Variants in HPCAL1 observed in about 807,000 individuals in gnomAD.
The protein encoded by HPCAL1 is hippocalcin-like protein 1.
Under a neutral mutation model 17.1 loss-of-function variants are expected in HPCAL1, and 8 were observed. That is an observed-to-expected ratio of 0.47 (90% CI 0.27 to 0.84). The LOEUF (loss-of-function observed/expected upper bound fraction) is 0.84, where lower values mean the gene tolerates loss of function less well. Ranked by LOEUF, HPCAL1 falls within the 40% of genes least tolerant of loss-of-function variation. HPCAL1 has a pLI of 0.13. For missense variants in HPCAL1, 165 were observed against 271.1 expected (o/e 0.61, Z 2.75); for synonymous variants, 112 against 111.4 (o/e 1.01, Z -0.03).
chr2:10,392,097 C>T (rs1446144341), intron 1 of HPCAL1, among the ~76,000 whole-genome samples: 3 of 152,062 alleles, frequency 2.0e-5, no homozygotes, highest in Non-Finnish European at 4.4e-5. Flanking sequence ...GGCGGGAGTG[C>T]AGTGGCATGA....
chr2:10,369,698 G>T (rs931969902), intron 1 of HPCAL1, among the ~76,000 whole-genome samples: 6 of 152,234 alleles, frequency 3.9e-5, no homozygotes, highest in African/African-American at 1.2e-4. Context: ...CTTGGAGGAG[G>T]TGGTGGTTAA....
At chr2:10,313,708 T>C (rs1171431146) in intron 1 of HPCAL1, among the ~76,000 whole-genome samples, 2 of 152,188 alleles carry the variant, frequency 1.3e-5, no homozygotes, top group Non-Finnish European at 2.9e-5. Context: ...GGGCTTAGGG[T>C]TGAACAGCCT....
At chr2:10,326,090 T>C (rs766351640) in intron 1 of HPCAL1, among the ~76,000 whole-genome samples, 19 of 152,210 alleles carry the variant, frequency 1.2e-4, no homozygotes, top group Non-Finnish European at 2.1e-4. Flanking sequence ...CTGTCCGTCA[T>C]CCTCTCTGGG....
intron 1 of HPCAL1, among the ~76,000 whole-genome samples, chr2:10,348,290 A>G (rs1241057634): frequency 6.6e-6 from 1 of 152,110 alleles, no homozygotes; most frequent in Non-Finnish European, 1.5e-5. Flanking sequence ...CTCTACTAAA[A>G]ATACAAAAAT....
chr2:10,373,495 G>A (rs962681831), intron 1 of HPCAL1, among the ~76,000 whole-genome samples: 6 of 152,202 alleles, frequency 3.9e-5, no homozygotes, highest in Non-Finnish European at 8.8e-5. Flanking sequence ...TGACAGAAAT[G>A]TTCCTAGAAA....
At chr2:10,409,951 C>A (rs1670241919) in intron 2 of HPCAL1, among the ~76,000 whole-genome samples, 1 of 152,006 alleles carries the variant, frequency 6.6e-6, no homozygotes, top group African/African-American at 2.4e-5. Context: ...CCACCGCACC[C>A]AGCTAATTTT....
chr2:10,307,868 T>C (rs1030106148), intron 1 of HPCAL1, among the ~76,000 whole-genome samples: 1 of 152,206 alleles, frequency 6.6e-6, no homozygotes, highest in Non-Finnish European at 1.5e-5. Context: ...GATTTCATCA[T>C]CCCACTGTCT....
chr2:10,426,952 G>T lies in HPCAL1; in HGVS notation c.*131G>T. ...CGGGCCTGGGGCATGCGTTGCACCT[G>T]CCCAGCCCGGTGGCTGCGCCTCCCT... On this transcript the variant is annotated 3_prime_UTR_variant, in exon 5 of 5. Coordinates refer to ENST00000307845, the MANE Select transcript of HPCAL1 (RefSeq NM_002149.4). 1.3e-6 allele frequency: 1 copy of T among 787,048 alleles called. No homozygotes were observed. The highest frequency in any genetic ancestry group is 1.6e-5 in the South Asian group (1 of 64,182). The allele number at this position is 787,048 out of a possible 1,614,324, so 48.8% of individuals were successfully genotyped here. A position where few individuals can be genotyped will look rare whatever the true frequency, so the allele number is the denominator to read the frequency against.
At chr2:10,312,394 A>G (rs564847123) in intron 1 of HPCAL1, among the ~76,000 whole-genome samples, 1 of 148,390 alleles carries the variant, frequency 6.7e-6, no homozygotes, top group African/African-American at 2.5e-5. Flanking sequence ...TGCTGTCATC[A>G]TCACCATTCA....
intron 1 of HPCAL1, among the ~76,000 whole-genome samples, chr2:10,350,561 C>T (rs991696210): frequency 6.6e-6 from 1 of 152,134 alleles, no homozygotes; most frequent in Non-Finnish European, 1.5e-5. Context: ...ATCCATCTGC[C>T]TCAGCCTCCC....
At chr2:10,414,401 G>A (rs143267293) in intron 2 of HPCAL1, among the ~76,000 whole-genome samples, 162 of 148,534 alleles carry the variant, frequency 1.1e-3, no homozygotes, top group Non-Finnish European at 1.9e-3. Flanking sequence ...AGGGTTGGGT[G>A]TTGGCAGGGT....
At chr2:10,312,311 CA>C (rs1248358119) in intron 1 of HPCAL1, among the ~76,000 whole-genome samples, 4 of 13,784 alleles carry the variant, frequency 2.9e-4, no homozygotes, top group Admixed American at 2.4e-3. Flanking sequence ...TCACCATCAT[CA>C]TCATCATCAT....
At chr2:10,318,307 CCCAGACTCCCCCAACCCCAGCTCGCA>C (rs1663447160) in intron 1 of HPCAL1, among the ~76,000 whole-genome samples, 3 of 151,836 alleles carry the variant, frequency 2.0e-5, no homozygotes, top group Admixed American at 6.6e-5. Context: ...CCACCCCCGC[CCCAGACTCCCCCAACCCCAGCTCGCA>C]CCTGCAGAAG....
chr2:10,387,917 A>G (rs1038981433), intron 1 of HPCAL1, among the ~76,000 whole-genome samples: 2 of 151,914 alleles, frequency 1.3e-5, no homozygotes, highest in Non-Finnish European at 2.9e-5. Context: ...GCAGTTGAAC[A>G]TTTTTCTTGC....
chr2:10,415,917 A>T (rs1341555193), intron 2 of HPCAL1, among the ~76,000 whole-genome samples: 1 of 152,094 alleles, frequency 6.6e-6, no homozygotes. Flanking sequence ...GTCTTTGCTG[A>T]CTCAGTGGCC....
At chr2:10,357,452 G>A (rs1464712232) in intron 1 of HPCAL1, among the ~76,000 whole-genome samples, 2 of 152,222 alleles carry the variant, frequency 1.3e-5, no homozygotes, top group Admixed American at 6.5e-5. Context: ...AGGGGCCCGG[G>A]AACCACCCCA....
At chr2:10,335,209 G>A (rs1207123758) in intron 1 of HPCAL1, among the ~76,000 whole-genome samples, 1 of 152,194 alleles carries the variant, frequency 6.6e-6, no homozygotes, top group Non-Finnish European at 1.5e-5. Context: ...ATAGAACACA[G>A]CAGGAGGAAT....
chr2:10,375,786 C>A (rs1033839124), intron 1 of HPCAL1, among the ~76,000 whole-genome samples: 6 of 152,214 alleles, frequency 3.9e-5, no homozygotes, highest in African/African-American at 1.4e-4. Flanking sequence ...GGTAGGCACT[C>A]AGCAGGTGCT....
At chr2:10,388,711 C>A (rs1668488902) in intron 1 of HPCAL1, among the ~76,000 whole-genome samples, 1 of 152,208 alleles carries the variant, frequency 6.6e-6, no homozygotes, top group Non-Finnish European at 1.5e-5. Context: ...CCAAGTCCCA[C>A]TCCCTGCCGA....
Sources: gnomAD v4.1 joint callset for allele counts (sites outside exome capture counted in the v4.1 genomes callset) on GRCh38, gnomAD v4.1.1 for gene constraint, MANE v1.5 for transcripts, NCBI Gene and HGNC (gene_info 2026-07-23, HGNC 2026-07-21) for gene names.